The following NAA15 variants were observed in gnomAD, a reference collection of about 807,000 sequenced individuals.
NAA15 encodes N-alpha-acetyltransferase 15, NatA auxiliary subunit, also known as N-terminal acetyltransferase.
NAA15 carries 34 observed loss-of-function variants against 114.0 expected under a neutral mutation model. The ratio of observed to expected loss-of-function variants is 0.30; its 90% CI spans 0.23 to 0.40. The LOEUF (loss-of-function observed/expected upper bound fraction) is 0.40. Among genes scored for constraint, NAA15 ranks in the 10% least tolerant of loss-of-function variants. The probability of loss-of-function intolerance (pLI) is 1.00; values close to 1 mark genes in which losing one functional copy is unlikely to be tolerated. For synonymous variants in NAA15, 340 were observed against 338.0 expected (o/e 1.01, Z -0.06); for missense variants, 658 against 1,004.5 (o/e 0.66, Z 4.66).
intron 1 of NAA15, among the ~76,000 whole-genome samples, chr4:139,322,167 C>T (rs1161222046): frequency 6.6e-6 from 1 of 152,088 alleles, no homozygotes; most frequent in African/African-American, 2.4e-5. Flanking sequence ...TGAATTCCCA[C>T]GTGTTGTGGG....
chr4:139,358,039 TTAAAA>T (rs1380086807), intron 11 of NAA15, among the ~76,000 whole-genome samples: 4 of 152,214 alleles, frequency 2.6e-5, no homozygotes, highest in Admixed American at 6.5e-5. Context: ...TAGTATCATC[TTAAAA>T]TAAAGTTGGC....
chr4:139,323,896 C>A (rs1746703294), intron 1 of NAA15, among the ~76,000 whole-genome samples: 1 of 152,094 alleles, frequency 6.6e-6, no homozygotes, highest in South Asian at 2.1e-4. Context: ...ACTTTATTAT[C>A]TATTAGAACA....
chr4:139,380,262 G>T lies in NAA15; in HGVS notation c.2155+1408G>T, dbSNP rs892736777. ...TTTGTTTCTCTTTAGTTTTTTTGGG[G>T]GGGGGGAGTATGAAAAATAACTTTG... On this transcript the variant is annotated intron_variant, in intron 17 of 19. Transcript: ENST00000296543. 8.5e-3 allele frequency among the ~76,000 whole-genome samples: 1,290 copies of T among 151,112 alleles called. 20 individuals carry two copies. The highest frequency in any genetic ancestry group is 0.028 in the African/African-American group (1,156 of 41,114).
At chr4:139,305,679 C>T (rs752107983) in intron 1 of NAA15, among the ~76,000 whole-genome samples, 2 of 151,814 alleles carry the variant, frequency 1.3e-5, no homozygotes, top group Non-Finnish European at 2.9e-5. Flanking sequence ...GGATTACAGG[C>T]GTGTGCCACC....
At chr4:139,385,475 C>A (rs1487243977) in intron 18 of NAA15, among the ~76,000 whole-genome samples, 2 of 151,480 alleles carry the variant, frequency 1.3e-5, no homozygotes, top group African/African-American at 4.9e-5. Context: ...TCTTTTATTT[C>A]TTTTTTCATC....
chr4:139,330,942 C>T (rs776903710), intron 1 of NAA15, among the ~76,000 whole-genome samples: 2 of 152,186 alleles, frequency 1.3e-5, no homozygotes, highest in Admixed American at 6.5e-5. Flanking sequence ...TCTGTTTCTA[C>T]ACATTTTCTA....
At chr4:139,320,008 A>C (rs553584391) in intron 1 of NAA15, among the ~76,000 whole-genome samples, 1 of 152,314 alleles carries the variant, frequency 6.6e-6, no homozygotes, top group African/African-American at 2.4e-5. Flanking sequence ...CTCCTTAAAA[A>C]AATTGTTTCA....
At chr4:139,352,777 C>T (rs1441234020) in intron 9 of NAA15, among the ~76,000 whole-genome samples, 1 of 149,582 alleles carries the variant, frequency 6.7e-6, no homozygotes, top group Non-Finnish European at 1.5e-5. Context: ...AAGCGATTCT[C>T]CTGCCTCAGC....
At chr4:139,318,148 A>T (rs2110856127) in intron 1 of NAA15, among the ~76,000 whole-genome samples, 1 of 152,202 alleles carries the variant, frequency 6.6e-6, no homozygotes, top group East Asian at 1.9e-4. Context: ...TAATGCTTGT[A>T]CTCCACAAAA....
intron 1 of NAA15, among the ~76,000 whole-genome samples, chr4:139,316,161 A>G (rs1420162397): frequency 1.3e-5 from 2 of 151,840 alleles, no homozygotes; most frequent in Non-Finnish European, 2.9e-5. Context: ...CTCATCATCT[A>G]GTAGATTCCT....
At chr4:139,379,512 A>G (rs916843653) in intron 17 of NAA15, among the ~76,000 whole-genome samples, 17 of 152,304 alleles carry the variant, frequency 1.1e-4, no homozygotes, top group African/African-American at 4.1e-4. Flanking sequence ...CCACATCTTC[A>G]TATTGTTCTT....
intron 1 of NAA15, among the ~76,000 whole-genome samples, chr4:139,323,038 T>TTTTTC (rs1204612163): frequency 2.0e-5 from 3 of 149,532 alleles, no homozygotes; most frequent in East Asian, 3.9e-4. Context: ...GGCAGATTTC[T>TTTTTC]TTTTCTTTTC....
At chr4:139,383,145 A>G (rs143021905) in intron 17 of NAA15, among the ~76,000 whole-genome samples, 2 of 152,314 alleles carry the variant, frequency 1.3e-5, no homozygotes, top group African/African-American at 4.8e-5. Flanking sequence ...AGGAAAATCT[A>G]CGTAATGTTT....
At chr4:139,361,326 A>G (rs1457915620) in intron 13 of NAA15, among the ~76,000 whole-genome samples, 1 of 152,192 alleles carries the variant, frequency 6.6e-6, no homozygotes. Context: ...AAAATTATCA[A>G]ATACATCTTA....
chr4:139,323,970 T>C (rs1746704782), intron 1 of NAA15, among the ~76,000 whole-genome samples: 1 of 152,116 alleles, frequency 6.6e-6, no homozygotes. Flanking sequence ...AGCAGCCTTG[T>C]CCTCCCAGAT....
intron 14 of NAA15, among the ~76,000 whole-genome samples, chr4:139,368,119 G>C (rs755865144): frequency 1.3e-5 from 2 of 152,116 alleles, no homozygotes; most frequent in Non-Finnish European, 2.9e-5. Flanking sequence ...TCATGTCCAG[G>C]TACCAAAATC....
intron 9 of NAA15, among the ~76,000 whole-genome samples, chr4:139,353,612 G>A (rs4863496): frequency 0.27 from 40,333 of 152,080 alleles, 5,669 homozygotes; most frequent in African/African-American, 0.35. Flanking sequence ...ACCCTGGATT[G>A]TGAAATTGAA....
chr4:139,347,406 A>G lies in NAA15; in HGVS notation c.692-2056A>G, dbSNP rs181497012. Among the ~76,000 whole-genome samples the G allele has an allele frequency of 5.3e-3, 810 of 151,564 alleles. 12 individuals are homozygous for G. Among genetic ancestry groups the G allele is most frequent in the African/African-American group, 0.019 (775 of 41,350 alleles). The stretch of plus-strand genomic sequence containing the variant: ...CAGCACTTTGGGAGGCTGAGACCAG[A>G]GGATCACTTGAGCCTAGGAGTTCGA... On this transcript the variant is annotated intron_variant, in intron 6 of 19. Transcript: ENST00000296543.
At chr4:139,332,679 T>C (rs1320375373) in intron 1 of NAA15, among the ~76,000 whole-genome samples, 1 of 146,282 alleles carries the variant, frequency 6.8e-6, no homozygotes, top group Admixed American at 7.1e-5. Context: ...GCCTGCTGGG[T>C]TCAAATGATT....
Sources: allele counts gnomAD v4.1 joint callset (sites outside exome capture counted in the v4.1 genomes callset), GRCh38; gene constraint gnomAD v4.1.1; transcripts MANE v1.5; gene names NCBI Gene and HGNC (gene_info 2026-07-23, HGNC 2026-07-21).